PPP6C: variants seen among roughly 807,000 people sequenced by gnomAD.
PPP6C encodes serine/threonine-protein phosphatase 6 catalytic subunit.
A neutral mutation model predicts 39.8 loss-of-function variants in PPP6C; 11 were observed. That is an observed-to-expected ratio of 0.28 (90% CI 0.17 to 0.46). The LOEUF (loss-of-function observed/expected upper bound fraction) is 0.46. PPP6C is among the 20% of genes least tolerant of loss of function. The probability of loss-of-function intolerance (pLI) is 1.00; values close to 1 mark genes in which losing one functional copy is unlikely to be tolerated. For missense variants in PPP6C, 211 were observed against 373.9 expected, an observed-to-expected ratio of 0.56 and a Z score of 3.59; for synonymous variants, 129 against 130.3, an observed-to-expected ratio of 0.99 and a Z score of 0.07.
chr9:125,187,174 T>C (rs537396799), intron 1 of PPP6C, among the ~76,000 whole-genome samples: 87 of 151,938 alleles, frequency 5.7e-4, no homozygotes, highest in African/African-American at 2.0e-3. Flanking sequence ...CTCGAGCTCC[T>C]GACCTCAAGT....
At chr9:125,189,599 G>T (rs377314375) in intron 1 of PPP6C, 45 bp downstream of exon 1, 4 of 1,610,134 alleles carry the variant, frequency 2.5e-6, no homozygotes, top group African/African-American at 2.7e-5. Flanking sequence ...GCCGGCCGGC[G>T]GGCGCCCCAC....
At chr9:125,151,721 T>C in intron 6 of PPP6C, 1 of 354,680 alleles carries the variant, frequency 2.8e-6, no homozygotes, top group Non-Finnish European at 5.5e-6. Flanking sequence ...ACATCAGGTA[T>C]ATCTGAGCTT....
chr9:125,155,495 C>T (rs1051623026), intron 4 of PPP6C, among the ~76,000 whole-genome samples: 3 of 152,096 alleles, frequency 2.0e-5, no homozygotes, highest in Non-Finnish European at 4.4e-5. Flanking sequence ...ATAGTAACTG[C>T]CCAGTATGTG....
At chr9:125,177,655 A>G (rs1237468123) in intron 1 of PPP6C, among the ~76,000 whole-genome samples, 2 of 152,210 alleles carry the variant, frequency 1.3e-5, no homozygotes, top group African/African-American at 4.8e-5. Flanking sequence ...TTTGTTACAG[A>G]TGATGAGCAT....
intron 2 of PPP6C, among the ~76,000 whole-genome samples, chr9:125,170,123 G>C (rs7852933): frequency 6.6e-6 from 1 of 151,994 alleles, no homozygotes; most frequent in South Asian, 2.1e-4. Flanking sequence ...AGCACTCTAT[G>C]AGTAATCTGT....
At chr9:125,185,095 A>C (rs1013654407) in intron 1 of PPP6C, among the ~76,000 whole-genome samples, 4 of 152,110 alleles carry the variant, frequency 2.6e-5, no homozygotes, top group Non-Finnish European at 5.9e-5. Context: ...ATAAGTATTC[A>C]GTAAACCTGC....
intron 1 of PPP6C, among the ~76,000 whole-genome samples, chr9:125,183,799 T>C (rs1052016661): frequency 6.6e-6 from 1 of 152,222 alleles, no homozygotes; most frequent in African/African-American, 2.4e-5. Context: ...TAAAGTTACA[T>C]ACTGCTTCTT....
At chr9:125,183,543 T>C (rs553285171) in intron 1 of PPP6C, among the ~76,000 whole-genome samples, 3 of 152,304 alleles carry the variant, frequency 2.0e-5, no homozygotes, top group African/African-American at 7.2e-5. Flanking sequence ...ATAGTGTTCA[T>C]GCACCACCTA....
chr9:125,186,513 AG>A (rs1829533289), intron 1 of PPP6C, among the ~76,000 whole-genome samples: 6 of 152,070 alleles, frequency 3.9e-5, no homozygotes, highest in Non-Finnish European at 8.8e-5. Flanking sequence ...TGGGAAGCCA[AG>A]GTGGGAGGAT....
intron 1 of PPP6C, among the ~76,000 whole-genome samples, chr9:125,186,946 T>TTC (rs1456113958): frequency 7.3e-6 from 1 of 136,488 alleles, no homozygotes; most frequent in Non-Finnish European, 1.6e-5. Flanking sequence ...TTCTTTTTTT[T>TTC]TTTTTTTTTT....
chr9:125,173,239 C>T (rs568243468), intron 1 of PPP6C, among the ~76,000 whole-genome samples: 5 of 151,936 alleles, frequency 3.3e-5, no homozygotes, highest in South Asian at 2.1e-4. Flanking sequence ...AGTGAAACCC[C>T]GTCTCTATTA....
intron 3 of PPP6C, among the ~76,000 whole-genome samples, chr9:125,160,323 G>C (rs1360308742): frequency 1.3e-5 from 2 of 152,074 alleles, no homozygotes; most frequent in African/African-American, 4.8e-5. Context: ...GCTTACTAAG[G>C]CAATTAATTA....
rs149106487 is a variant in PPP6C at position 125,189,698 on chromosome 9, G to T, written c.21C>A (p.Asp7Glu). Residue 7 changes from aspartate to glutamate, a missense_variant, in exon 1 of 7, where the codon GAC becomes GAA. By Grantham distance (45) the Asp-to-Glu change is conservative. This residue lies in a region of PPP6C where 43 missense variants were observed against 31.3 expected (regional missense o/e 1.38). Transcript: ENST00000373547. ...ACAGCCGCGCTATTTCCACATACTTGTCCAGGTCTAGCGGCGCCATTTTAA... is the reference window on the plus strand; with the variant it reads ...ACAGCCGCGCTATTTCCACATACTTTTCCAGGTCTAGCGGCGCCATTTTAA... Reference protein sequence around the residue: MAPLDLDKYVEIARLCK... With the variant: MAPLDLEKYVEIARLCK... 1 of 1,609,010 alleles carries T rather than the reference G, an allele frequency of 6.2e-7. No homozygotes were observed. Among genetic ancestry groups the T allele is most frequent in the Middle Eastern group, 1.7e-4 (1 of 6,042 alleles).
chr9:125,147,807 G>GA lies in PPP6C; in HGVS notation c.*1865dup, dbSNP rs5900644. ...ACTTAAATACAATTTATGGTAACAG[G>GA]AAAAAAAAAAATACTGCAGAGAGCT... is the stretch of plus-strand genomic sequence containing the variant. On this transcript the variant is annotated 3_prime_UTR_variant, in exon 7 of 7. Transcript: ENST00000373547. The GA allele has an allele frequency of 6.5e-4, 99 of 151,588 alleles. No homozygotes were observed. The highest frequency in any genetic ancestry group is 1.3e-3 in the African/African-American group (52 of 40,898). 9.4% of individuals were successfully genotyped at this position (151,588 alleles called of 1,614,324 possible).
intron 1 of PPP6C, chr9:125,172,147 G>GA (rs1473211700): frequency 1.2e-5 from 4 of 338,638 alleles, no homozygotes; most frequent in African/African-American, 6.5e-5. Flanking sequence ...TATGTTGAGT[G>GA]AAAAAAATGA....
chr9:125,173,444 G>A (rs1386901564), intron 1 of PPP6C, among the ~76,000 whole-genome samples: 1 of 149,920 alleles, frequency 6.7e-6, no homozygotes. Context: ...CCAGGCGTGG[G>A]GTGCACAGCT....
chr9:125,170,908 C>T lies in PPP6C; in HGVS notation c.171+177G>A, dbSNP rs1173381972. Among the ~76,000 whole-genome samples, 6 of 152,294 alleles carry T rather than the reference C, an allele frequency of 3.9e-5. No individual in the cohort carries two copies. The East Asian group carries it at 9.6e-4, about 24-fold the overall frequency. On this transcript the variant is annotated intron_variant, in intron 2 of 6. Transcript: ENST00000373547. Reference sequence around the variant, plus strand: ...AATTCCATCACTAATTTGACCACTGCTTTTATTCACCAAAAATGTAAACCA... The same window carrying T: ...AATTCCATCACTAATTTGACCACTGTTTTTATTCACCAAAAATGTAAACCA...
intron 1 of PPP6C, among the ~76,000 whole-genome samples, chr9:125,179,876 G>A (rs749025351): frequency 4.0e-5 from 6 of 151,786 alleles, no homozygotes; most frequent in Non-Finnish European, 7.4e-5. Flanking sequence ...GGCTGGTCTC[G>A]AGCTCCTGAC....
chr9:125,157,731 G>T (rs191510784), intron 4 of PPP6C, among the ~76,000 whole-genome samples: 192 of 140,134 alleles, frequency 1.4e-3, no homozygotes, highest in African/African-American at 4.7e-3. Flanking sequence ...TCCCTATGTC[G>T]CCAGGCTGGA....
Sources: allele counts gnomAD v4.1 joint callset (sites outside exome capture counted in the v4.1 genomes callset), GRCh38; gene constraint gnomAD v4.1.1; regional missense constraint gnomAD v4.1.1; transcripts MANE v1.5; gene names NCBI Gene and HGNC (gene_info 2026-07-23, HGNC 2026-07-21).